Variants in TRAP1 observed in about 807,000 individuals in gnomAD.
TRAP1 encodes the protein TNF receptor associated protein 1.
A neutral mutation model predicts 89.1 loss-of-function variants in TRAP1; 102 were observed. The ratio of observed to expected loss-of-function variants is 1.15; its 90% CI spans 0.98 to 1.35. The LOEUF (loss-of-function observed/expected upper bound fraction) is 1.35, where lower values mean the gene tolerates loss of function less well. Ranked by LOEUF, TRAP1 falls within the 40% of genes most tolerant of loss-of-function variation. The pLI is 0.00. For missense variants in TRAP1, 1,256 were observed against 945.3 expected, an observed-to-expected ratio of 1.33 and a Z score of -4.31; for synonymous variants, 508 against 388.0, an observed-to-expected ratio of 1.31 and a Z score of -3.64.
rs912132638 is a variant in TRAP1 at position 3,664,444 on chromosome 16, G to A, written c.1399C>T (p.Leu467=). 1.9e-6 allele frequency: 3 copies of A among 1,611,092 alleles called. No individual in the cohort carries two copies. Among genetic ancestry groups the A allele is most frequent in the East Asian group, 2.2e-5 (1 of 44,836 alleles). ...AGCGCCGAGGACTCGTAGCGCAGCA[G>A]CTTTGCTATGTCCTCCTAGAAGGGA... The part of the protein sequence containing the change: ...EQEVKEDIAK[L]LRYESSALPS... The change falls in exon 13 of 18, where the codon CTG becomes TTG. Residue 467 remains leucine (L), a synonymous_variant. Coordinates refer to ENST00000246957, the MANE Select transcript of TRAP1 (RefSeq NM_016292.3).
chr16:3,676,241 G>T, intron 6 of TRAP1, 96 bp from the exon 7 acceptor site: 1 of 1,030,238 alleles, frequency 9.7e-7, no homozygotes. Context: ...CATAGGCAGA[G>T]CCCAAACAAC....
intron 4 of TRAP1, among the ~76,000 whole-genome samples, chr16:3,683,706 G>C (rs1317103954): frequency 1.3e-5 from 2 of 151,520 alleles, no homozygotes; most frequent in African/African-American, 4.9e-5. Flanking sequence ...AATCATAAGG[G>C]AAGCTGGGTG....
At chr16:3,702,535 G>T (rs979872890) in intron 1 of TRAP1, among the ~76,000 whole-genome samples, 3 of 151,762 alleles carry the variant, frequency 2.0e-5, no homozygotes, top group African/African-American at 7.3e-5. Context: ...TTGAGCCCAG[G>T]AGTTTGAGAC....
At chr16:3,669,278 G>C (rs1255153864) in intron 11 of TRAP1, among the ~76,000 whole-genome samples, 2 of 152,198 alleles carry the variant, frequency 1.3e-5, no homozygotes, top group African/African-American at 2.4e-5. Flanking sequence ...AACGACCACA[G>C]AACAGTCGCT....
At chr16:3,693,560 C>T (rs1419210403) in intron 1 of TRAP1, among the ~76,000 whole-genome samples, 1 of 152,144 alleles carries the variant, frequency 6.6e-6, no homozygotes, top group Non-Finnish European at 1.5e-5. Flanking sequence ...CCAACACCTG[C>T]CCACAGAGCA....
intron 1 of TRAP1, among the ~76,000 whole-genome samples, chr16:3,698,760 G>A (rs112193373): frequency 0.25 from 37,391 of 151,866 alleles, 5,931 homozygotes; most frequent in African/African-American, 0.46. Flanking sequence ...ACAGCCAGGT[G>A]TGGTGGTGCA....
intron 4 of TRAP1, among the ~76,000 whole-genome samples, chr16:3,680,347 C>T (rs923433664): frequency 6.6e-6 from 1 of 152,154 alleles, no homozygotes; most frequent in African/African-American, 2.4e-5. Flanking sequence ...AAAACCATTC[C>T]GAAAAGAAAA....
chr16:3,713,291 A>G (rs1360251654), intron 1 of TRAP1, among the ~76,000 whole-genome samples: 1 of 152,202 alleles, frequency 6.6e-6, no homozygotes, highest in Non-Finnish European at 1.5e-5. Flanking sequence ...AAAACCCGTC[A>G]ACAAAACGAA....
In TRAP1 at chr16:3,689,184, T is replaced by C. The variant is rs374043977; in HGVS notation, c.248-47A>G. 118 of 1,530,508 alleles carry C rather than the reference T, an allele frequency of 7.7e-5. 1 individual carries two copies. The South Asian group carries it at 9.3e-4, about 12-fold the overall frequency. 94.8% of individuals were successfully genotyped at this position (1,530,508 alleles called of 1,614,324 possible). A position where few individuals can be genotyped will look rare whatever the true frequency, so the allele number is the denominator to read the frequency against. The stretch of plus-strand genomic sequence containing the variant: ...AACCAACAAAGTTTAACTTCTATTT[T>C]TGTGCAAGAATACGCTACGTCACAT... On this transcript the variant is annotated intron_variant, in intron 2 of 17. Coordinates refer to ENST00000246957, the MANE Select transcript of TRAP1 (RefSeq NM_016292.3).
intron 1 of TRAP1, among the ~76,000 whole-genome samples, chr16:3,702,441 C>G (rs891169007): frequency 1.3e-5 from 2 of 151,524 alleles, no homozygotes; most frequent in Non-Finnish European, 2.9e-5. Context: ...TTTCAAGAGG[C>G]AGATCATTTT....
chr16:3,676,039 G>C lies in TRAP1; in HGVS notation c.811C>G (p.Arg271Gly). The change falls in exon 7 of 18, where the codon CGA becomes GGA. Residue 271 changes from arginine to glycine, a missense_variant. Physicochemically the swap from Arg to Gly is moderately radical, Grantham distance 125. Coordinates refer to ENST00000246957, the MANE Select transcript of TRAP1 (RefSeq NM_016292.3). ...CTGGGCCCGGGCTCCCGCTCACCTCGCACCCGGGCCTCGCTGGAAAACTCC... is the reference window on the plus strand; with the variant it reads ...CTGGGCCCGGGCTCCCGCTCACCTCCCACCCGGGCCTCGCTGGAAAACTCC... Reference protein sequence around the residue: ...CKEFSSEARVRDVVTKYSNFV... With the variant: ...CKEFSSEARVGDVVTKYSNFV... 6.2e-7 allele frequency: 1 copy of C among 1,612,410 alleles called. No homozygotes were observed. Among genetic ancestry groups the C allele is most frequent in the East Asian group, 2.2e-5 (1 of 44,812 alleles).
chr16:3,664,713 G>A lies in TRAP1; in HGVS notation c.1384-254C>T, dbSNP rs762660509. On this transcript the variant is annotated intron_variant, in intron 12 of 17. Transcript: ENST00000246957. Reference sequence around the variant, plus strand: ...GCCCAGGGGCTCTCCAGGGAGCTACGCGCACCACGCCCTGGGAGGGGACCC... The same window carrying A: ...GCCCAGGGGCTCTCCAGGGAGCTACACGCACCACGCCCTGGGAGGGGACCC... The A allele has an allele frequency of 1.2e-4, 56 of 461,568 alleles. No homozygotes were observed. The South Asian group carries it at 1.4e-3, about 11-fold the overall frequency. The allele number at this position is 461,568 out of a possible 1,614,324, so 28.6% of individuals were successfully genotyped here.
chr16:3,664,429 A>T lies in TRAP1; in HGVS notation c.1414T>A (p.Ser472Thr), dbSNP rs2050778405. The T allele has an allele frequency of 6.2e-7, 1 of 1,612,072 alleles. No individual in the cohort carries two copies. Among genetic ancestry groups the T allele is most frequent in the Non-Finnish European group, 8.5e-7 (1 of 1,179,420 alleles). Residue 472 changes from serine (S) to threonine (T), a missense_variant, in exon 13 of 18, where the codon TCC becomes ACC. Physicochemically the swap from Ser to Thr is moderately conservative, Grantham distance 58. Coordinates refer to ENST00000246957, the MANE Select transcript of TRAP1 (RefSeq NM_016292.3). ...EDIAKLLRYE[S>T]SALPSGQLTS... ...AGCTGCCCGGAGGGCAGCGCCGAGG[A>T]CTCGTAGCGCAGCAGCTTTGCTATG...
rs2042896703 is a variant in TRAP1 at position 3,658,955 on chromosome 16, A to C, written c.1941-90T>G. On this transcript the variant is annotated intron_variant, in intron 16 of 17. Transcript: ENST00000246957. ...TTTGGGATTATCAGGATATTTAAAGAAGCACAGTAAGACTGTCTGTAGTTT... is the reference window on the plus strand; with the variant it reads ...TTTGGGATTATCAGGATATTTAAAGCAGCACAGTAAGACTGTCTGTAGTTT... The C allele has an allele frequency of 1.3e-5, 17 of 1,313,608 alleles. No individual in the cohort carries two copies. In the Admixed American group the frequency reaches 1.7e-4, roughly 13 times the overall value. The allele number at this position is 1,313,608 out of a possible 1,614,324, so 81.4% of individuals were successfully genotyped here.
Position 3,674,427 on chromosome 16 carries a change from G to A in TRAP1, c.956C>T (p.Ala319Val), listed in dbSNP as rs200973932. 78 of 1,613,976 alleles carry A rather than the reference G, an allele frequency of 4.8e-5. No individual in the cohort carries two copies. The Middle Eastern group carries it at 8.2e-4, about 17-fold the overall frequency. The change falls in exon 9 of 18, where the codon GCG becomes GTG. Residue 319 changes from alanine to valine, a missense_variant. Ala to Val is a moderately conservative substitution (Grantham distance 64, BLOSUM62 0). Transcript: ENST00000246957. ...WQHEEFYRYV[A>V]QAHDKPRYTL... ...GTAGCGGGGCTTGTCGTGAGCCTGC[G>A]CGACGTAGCGGTAGAACTCCTCATG...
chr16:3,685,164 G>A (rs1488081127), intron 4 of TRAP1, among the ~76,000 whole-genome samples: 2 of 152,164 alleles, frequency 1.3e-5, no homozygotes, highest in Admixed American at 6.5e-5. Context: ...CCATTCCACA[G>A]CCAGGCCAGC....
At chr16:3,664,841 C>T (rs2050791778) in intron 12 of TRAP1, 1 of 200,624 alleles carries the variant, frequency 5.0e-6, no homozygotes, top group Non-Finnish European at 1.0e-5. Flanking sequence ...GTCCACGGTT[C>T]CCGGCCCTCC....
chr16:3,704,761 C>G (rs548413011), intron 1 of TRAP1, among the ~76,000 whole-genome samples: 6 of 152,190 alleles, frequency 3.9e-5, no homozygotes, highest in Non-Finnish European at 8.8e-5. Flanking sequence ...TGTTTGTAAC[C>G]CCAGTGCTTT....
intron 10 of TRAP1, 30 bp downstream of exon 10, chr16:3,672,670 G>A (rs1483155129): frequency 2.5e-6 from 4 of 1,593,966 alleles, no homozygotes; most frequent in Non-Finnish European, 2.6e-6. Context: ...GGGCCACGGG[G>A]GCACTGCTCA....
Sources: gnomAD v4.1 joint callset for allele counts (sites outside exome capture counted in the v4.1 genomes callset) on GRCh38, gnomAD v4.1.1 for gene constraint, MANE v1.5 for transcripts, NCBI Gene and HGNC (gene_info 2026-07-23, HGNC 2026-07-21) for gene names.